FRMPD3: variants seen among roughly 807,000 people sequenced by gnomAD.
FRMPD3 encodes FERM and PDZ domain containing 3, also known as FERM and PDZ domain-containing protein 3.
A neutral mutation model predicts 97.9 loss-of-function variants in FRMPD3; 42 were observed. That is an observed-to-expected ratio of 0.43 (90% CI 0.34 to 0.55). The LOEUF (loss-of-function observed/expected upper bound fraction) is 0.55, where lower values mean the gene tolerates loss of function less well. Among genes scored for constraint, FRMPD3 ranks in the 20% least tolerant of loss-of-function variants. FRMPD3 has a pLI of 0.03. For missense variants in FRMPD3, 1,303 were observed against 1,457.7 expected (o/e 0.89, Z 1.73); for synonymous variants, 577 against 581.1 (o/e 0.99, Z 0.10).
chrX:107,535,177 C>G (rs749430149), intron 4 of FRMPD3, among the ~76,000 whole-genome samples: 2 of 112,616 alleles, frequency 1.8e-5, no homozygotes, highest in African/African-American at 6.5e-5. Flanking sequence ...CTTGCAGAAG[C>G]CTTCCTTGAG....
chrX:107,561,691 C>T (rs985595186), intron 10 of FRMPD3, among the ~76,000 whole-genome samples: 1 of 112,631 alleles, frequency 8.9e-6, no homozygotes, highest in African/African-American at 3.2e-5. Context: ...GGGACGCAAT[C>T]GCCCCATACA....
intron 8 of FRMPD3, 123 bp from the exon 9 acceptor site, chrX:107,560,134 G>T: frequency 1.2e-6 from 1 of 852,277 alleles, no homozygotes. Context: ...TCCTTCCTCT[G>T]TCCCTTGATC....
intron 7 of FRMPD3, 93 bp from the exon 8 acceptor site, chrX:107,554,292 C>A (rs749650283): frequency 2.1e-6 from 2 of 962,584 alleles, no homozygotes; most frequent in South Asian, 4.6e-5. Flanking sequence ...CTGCCCCAAG[C>A]CCCACCTTAA....
intron 13 of FRMPD3, among the ~76,000 whole-genome samples, chrX:107,584,602 T>C (rs1478288279): frequency 1.8e-5 from 2 of 112,477 alleles, no homozygotes; most frequent in Non-Finnish European, 3.7e-5. Flanking sequence ...CTTTAATCCA[T>C]CTTGAGTTAA....
chrX:107,591,688 A>G (rs1406243863), intron 13 of FRMPD3, among the ~76,000 whole-genome samples: 2 of 110,653 alleles, frequency 1.8e-5, no homozygotes, highest in African/African-American at 6.6e-5. Context: ...TCTTTTTTCT[A>G]TCCTCTATGT....
chrX:107,521,970 T>A (rs1394177565), intron 1 of FRMPD3, among the ~76,000 whole-genome samples: 1 of 112,433 alleles, frequency 8.9e-6, no homozygotes. Context: ...TAGCCACATC[T>A]GCCTAGCAAC....
At chrX:107,562,987 TCTC>T (rs1922437538) in intron 10 of FRMPD3, 121 bp from the exon 11 acceptor site, 2 of 491,234 alleles carry the variant, frequency 4.1e-6, no homozygotes, top group African/African-American at 4.7e-5. Flanking sequence ...CATCTTCACA[TCTC>T]CACAGTGTCA....
chrX:107,550,952 A>G (rs1458652448), intron 6 of FRMPD3, among the ~76,000 whole-genome samples: 1 of 111,991 alleles, frequency 8.9e-6, no homozygotes, highest in African/African-American at 3.2e-5. Context: ...TGTGGTTCCC[A>G]TACTGGGACC....
chrX:107,581,284 T>C (rs1308371899), intron 13 of FRMPD3, among the ~76,000 whole-genome samples: 1 of 110,227 alleles, frequency 9.1e-6, no homozygotes, highest in African/African-American at 3.3e-5. Context: ...AATTTTTTGA[T>C]ATTTTTGGTA....
rs914511669 is a variant in FRMPD3 at position 107,547,547 on chromosome X, G to A, written c.402+1706G>A. On this transcript the variant is annotated intron_variant, in intron 5 of 14. Coordinates refer to ENST00000683843, the MANE Select transcript of FRMPD3 (RefSeq NM_001388459.1). ...CCACCTAGAGTGACCTCATTCTCTC[G>A]GACAGGCCACCAGGCATAGTGTGAG... Among the ~76,000 whole-genome samples, 6 of 111,546 alleles carry A rather than the reference G, an allele frequency of 5.4e-5. No individual in the cohort carries two copies. The East Asian group carries it at 1.1e-3, about 21-fold the overall frequency.
intron 5 of FRMPD3, among the ~76,000 whole-genome samples, chrX:107,548,007 T>TG (rs61245715): frequency 0.14 from 15,407 of 110,436 alleles, 2,543 homozygotes; most frequent in African/African-American, 0.47. Context: ...CCCACCTTGT[T>TG]TCCACAGCCA....
rs1247428998 is a variant in FRMPD3, at chrX:107,550,164, C to CA, written c.510+9dup. The CA allele has an allele frequency of 9.1e-7, 1 of 1,095,519 alleles. No individual in the cohort carries two copies. The highest frequency in any genetic ancestry group is 1.3e-6 in the Non-Finnish European group (1 of 794,986). The allele number at this position is 1,095,519 out of a possible 1,213,427, so 90.3% of individuals were successfully genotyped here. A position where few individuals can be genotyped will look rare whatever the true frequency, so the allele number is the denominator to read the frequency against. Reference sequence around the variant, plus strand: ...GGTCGGACCACTGTTAAGGTACATACAGTCTCCTCCCCCTGGTCAGCATTG... The same window carrying CA: ...GGTCGGACCACTGTTAAGGTACATACAAGTCTCCTCCCCCTGGTCAGCATTG... On this transcript the variant is annotated intron_variant, in intron 6 of 14. Transcript: ENST00000683843.
chrX:107,583,390 C>T (rs1244691301), intron 13 of FRMPD3, among the ~76,000 whole-genome samples: 1 of 111,808 alleles, frequency 8.9e-6, no homozygotes, highest in Admixed American at 9.6e-5. Context: ...CTTTCAGCTT[C>T]ATCCATGTCC....
At chrX:107,540,320 G>A in intron 4 of FRMPD3, among the ~76,000 whole-genome samples, 1 of 112,036 alleles carries the variant, frequency 8.9e-6, no homozygotes, top group Non-Finnish European at 1.9e-5. Flanking sequence ...AGTGTAGCCA[G>A]AAGGGCAAAT....
Position 107,515,528 on chromosome X carries a change from G to A in FRMPD3, c.-7-11054G>A, listed in dbSNP as rs575796140. Reference sequence around the variant, plus strand: ...GTGGATTGGGGAGCAAATAAGAGATGAAGAAGTCTTGTGTCCTTAATGCAA... The same window carrying A: ...GTGGATTGGGGAGCAAATAAGAGATAAAGAAGTCTTGTGTCCTTAATGCAA... On this transcript the variant is annotated intron_variant, in intron 1 of 14. Coordinates refer to ENST00000683843, the MANE Select transcript of FRMPD3 (RefSeq NM_001388459.1). Among the ~76,000 whole-genome samples the A allele has an allele frequency of 2.7e-5, 3 of 111,144 alleles. No homozygotes were observed. The South Asian group carries it at 1.2e-3, about 44-fold the overall frequency.
intron 13 of FRMPD3, among the ~76,000 whole-genome samples, chrX:107,587,807 C>T (rs749903023): frequency 1.8e-5 from 2 of 112,111 alleles, no homozygotes; most frequent in African/African-American, 3.2e-5. Flanking sequence ...CAGGGTCTCA[C>T]TCCATTGCCC....
chrX:107,563,560 A>C (rs1406664250), intron 11 of FRMPD3, among the ~76,000 whole-genome samples: 1 of 112,829 alleles, frequency 8.9e-6, no homozygotes, highest in Non-Finnish European at 1.9e-5. Flanking sequence ...ACAATGCATA[A>C]ACAAATGGGT....
Position 107,598,120 on chromosome X carries a change from CCCA to C in FRMPD3, c.2247_2249del (p.Pro751del). 1 of 1,204,902 alleles carries C rather than the reference CCCA, an allele frequency of 8.3e-7. No individual in the cohort carries two copies. Among genetic ancestry groups the C allele is most frequent in the Non-Finnish European group, 1.1e-6 (1 of 891,047 alleles). The stretch of plus-strand genomic sequence containing the variant: ...TGGCTGCATCCGAGGATGGACCACA[CCCA>C]CCACCCCCACAGACTGCAGGTAATG... On this transcript the variant is annotated inframe_deletion, in exon 14 of 15. Transcript: ENST00000683843.
intron 14 of FRMPD3, 24 bp from the exon 15 acceptor site, chrX:107,600,279 C>CA (rs1569430722): frequency 1.7e-6 from 2 of 1,181,182 alleles, no homozygotes; most frequent in Non-Finnish European, 2.3e-6. Context: ...GTAAGCATAA[C>CA]AAGCCCTATC....
Sources: allele counts gnomAD v4.1 joint callset (sites outside exome capture counted in the v4.1 genomes callset), GRCh38; gene constraint gnomAD v4.1.1; transcripts MANE v1.5; gene names NCBI Gene and HGNC (gene_info 2026-07-23, HGNC 2026-07-21).